The following CDH18 variants were observed in gnomAD, a reference collection of about 807,000 sequenced individuals.
CDH18 encodes the protein cadherin 18.
Under a neutral mutation model 67.9 loss-of-function variants are expected in CDH18, and 31 were observed. The ratio of observed to expected loss-of-function variants is 0.46; its 90% CI spans 0.34 to 0.62. CDH18 has a LOEUF of 0.62. Among genes scored for constraint, CDH18 ranks in the 20% least tolerant of loss-of-function variants. The probability of loss-of-function intolerance (pLI) is 0.01; values close to 1 mark genes in which losing one functional copy is unlikely to be tolerated. For missense variants in CDH18, 890 were observed against 975.5 expected (o/e 0.91, Z 1.17); for synonymous variants, 362 against 347.2 (o/e 1.04, Z -0.48).
rs574758233 is a variant in CDH18 at position 19,508,497 on chromosome 5, T to C, written c.1513-5388A>G. ...ACATATACATGATCTAATTAATACA[T>C]AGAATGGTTATTTATTTTTAAAGAT... is the stretch of plus-strand genomic sequence containing the variant. On this transcript the variant is annotated intron_variant, in intron 10 of 12. Transcript: ENST00000382275. 9.9e-5 allele frequency among the ~76,000 whole-genome samples: 15 copies of C among 152,234 alleles called. No homozygotes were observed. The East Asian group carries it at 2.5e-3, about 25-fold the overall frequency.
chr5:19,482,813 TATTA>T (rs1739692626), intron 12 of CDH18, among the ~76,000 whole-genome samples: 2 of 152,148 alleles, frequency 1.3e-5, no homozygotes, highest in African/African-American at 2.4e-5. Context: ...ACAATATTGT[TATTA>T]ATTAAAGTCC....
At chr5:19,866,416 C>A (rs1785502643) in intron 2 of CDH18, among the ~76,000 whole-genome samples, 6 of 152,134 alleles carry the variant, frequency 3.9e-5, no homozygotes, top group Admixed American at 3.9e-4. Context: ...GAAAGTGAAG[C>A]ATCAAGGAAG....
chr5:19,846,483 A>T (rs1293060649), intron 2 of CDH18, among the ~76,000 whole-genome samples: 1 of 152,086 alleles, frequency 6.6e-6, no homozygotes, highest in East Asian at 1.9e-4. Flanking sequence ...CTTTACTATC[A>T]AGCTTAATAC....
intron 1 of CDH18, among the ~76,000 whole-genome samples, chr5:20,340,744 A>G (rs1740186387): frequency 6.6e-6 from 1 of 152,122 alleles, no homozygotes; most frequent in African/African-American, 2.4e-5. Context: ...CACTGGAGTG[A>G]GCCTTTCTGA....
At chr5:19,668,260 T>C (rs1279322237) in intron 5 of CDH18, among the ~76,000 whole-genome samples, 1 of 152,082 alleles carries the variant, frequency 6.6e-6, no homozygotes, top group Non-Finnish European at 1.5e-5. Flanking sequence ...GTGTTTGGTA[T>C]TTGAATGCTC....
chr5:19,969,504 C>G (rs1797812441), intron 2 of CDH18, among the ~76,000 whole-genome samples: 1 of 149,746 alleles, frequency 6.7e-6, no homozygotes, highest in South Asian at 2.1e-4. Context: ...CCATGGAATA[C>G]TATGCAGCCA....
chr5:19,524,485 T>C (rs1404477670), intron 9 of CDH18, among the ~76,000 whole-genome samples: 1 of 151,860 alleles, frequency 6.6e-6, no homozygotes, highest in African/African-American at 2.4e-5. Flanking sequence ...AAAATGCTTA[T>C]TTTATAAATT....
intron 2 of CDH18, among the ~76,000 whole-genome samples, chr5:20,080,362 T>C (rs1744346363): frequency 6.6e-6 from 1 of 152,160 alleles, no homozygotes; most frequent in Admixed American, 6.5e-5. Flanking sequence ...AGTAATAGTG[T>C]GCAAATTATA....
At chr5:19,598,811 C>T (rs557991536) in intron 6 of CDH18, among the ~76,000 whole-genome samples, 45 of 152,140 alleles carry the variant, frequency 3.0e-4, no homozygotes, top group African/African-American at 1.1e-3. Context: ...TTAGTAAATT[C>T]CAGCTATTTA....
At chr5:20,172,223 T>TATATATATATATATATATATATAC (rs1554098639) in intron 2 of CDH18, among the ~76,000 whole-genome samples, 4 of 43,924 alleles carry the variant, frequency 9.1e-5, no homozygotes, top group Admixed American at 2.8e-4. Context: ...TATATATATA[T>TATATATATATATATATATATATAC]GTATATATAT....
At chr5:19,581,207 A>T (rs1320581386) in intron 7 of CDH18, among the ~76,000 whole-genome samples, 2 of 151,960 alleles carry the variant, frequency 1.3e-5, no homozygotes, top group Non-Finnish European at 2.9e-5. Flanking sequence ...CTTACTGTCA[A>T]TGAGTTGACA....
At chr5:20,168,343 A>G (rs1736453239) in intron 2 of CDH18, among the ~76,000 whole-genome samples, 1 of 152,174 alleles carries the variant, frequency 6.6e-6, no homozygotes, top group African/African-American at 2.4e-5. Flanking sequence ...TAGTTTAGCT[A>G]ATTACATTAA....
At chr5:20,201,624 C>A (rs1446433823) in intron 2 of CDH18, among the ~76,000 whole-genome samples, 1 of 151,542 alleles carries the variant, frequency 6.6e-6, no homozygotes, top group Non-Finnish European at 1.5e-5. Flanking sequence ...TATCTAGAAA[C>A]CAGTATTATA....
At chr5:20,392,287 A>G (rs1046629110) in intron 1 of CDH18, among the ~76,000 whole-genome samples, 1 of 151,880 alleles carries the variant, frequency 6.6e-6, no homozygotes, top group Non-Finnish European at 1.5e-5. Context: ...TGTAAATATC[A>G]CTTTTCAAAA....
chr5:20,531,093 C>T (rs944213237), intron 1 of CDH18, among the ~76,000 whole-genome samples: 1 of 152,104 alleles, frequency 6.6e-6, no homozygotes, highest in Non-Finnish European at 1.5e-5. Context: ...TGAACAGACA[C>T]TTCTCAAAAG....
intron 2 of CDH18, among the ~76,000 whole-genome samples, chr5:20,084,474 C>A (rs1050916331): frequency 1.3e-5 from 2 of 152,098 alleles, no homozygotes; most frequent in African/African-American, 4.8e-5. Flanking sequence ...AGTGGATATA[C>A]CATTCTGGGG....
intron 1 of CDH18, among the ~76,000 whole-genome samples, chr5:20,479,125 G>C (rs771456889): frequency 6.6e-6 from 1 of 151,984 alleles, no homozygotes; most frequent in African/African-American, 2.4e-5. Context: ...TTGAATACTT[G>C]GAAAACCTTC....
intron 1 of CDH18, among the ~76,000 whole-genome samples, chr5:20,433,218 G>A (rs1748903856): frequency 6.6e-6 from 1 of 150,740 alleles, no homozygotes; most frequent in African/African-American, 2.4e-5. Flanking sequence ...TCTTAAAGGA[G>A]CAGTTAAGGT....
chr5:20,301,799 T>C (rs1735954539), intron 1 of CDH18, among the ~76,000 whole-genome samples: 1 of 147,026 alleles, frequency 6.8e-6, no homozygotes, highest in Admixed American at 6.7e-5. Context: ...CTTTTTTTTT[T>C]TTTTTTTTGG....
Sources: allele counts gnomAD v4.1 joint callset (sites outside exome capture counted in the v4.1 genomes callset), GRCh38; gene constraint gnomAD v4.1.1; transcripts MANE v1.5; gene names NCBI Gene and HGNC (gene_info 2026-07-23, HGNC 2026-07-21).